The following DCAF8L2 variants were observed in gnomAD, a reference collection of about 807,000 sequenced individuals.
DCAF8L2 encodes DDB1- and CUL4-associated factor 8-like protein 2.
For synonymous variants in DCAF8L2, 200 were observed against 190.9 expected, an observed-to-expected ratio of 1.05 and a Z score of -0.39; for missense variants, 430 against 490.7, an observed-to-expected ratio of 0.88 and a Z score of 1.17.
At chrX:27,576,933 T>A in the DCAF8L2 span, among the ~76,000 whole-genome samples, 2 of 111,741 alleles carry the variant, frequency 1.8e-5, no homozygotes, top group Non-Finnish European at 3.8e-5. Context: ...ACAAATGACA[T>A]TGTGACATAT....
the DCAF8L2 span, among the ~76,000 whole-genome samples, chrX:27,491,322 T>C: frequency 8.9e-6 from 1 of 112,191 alleles, no homozygotes; most frequent in African/African-American, 3.2e-5. Context: ...TCTTTCTGCA[T>C]GTGGATATTC....
chrX:27,613,295 G>C (rs1287189684), intron 1 of DCAF8L2, among the ~76,000 whole-genome samples: 1 of 111,733 alleles, frequency 8.9e-6, no homozygotes, highest in Non-Finnish European at 1.9e-5. Flanking sequence ...TTTGCACATT[G>C]ATTTTGTATC....
chrX:27,524,475 A>T, the DCAF8L2 span, among the ~76,000 whole-genome samples: 3 of 110,999 alleles, frequency 2.7e-5, no homozygotes, highest in Non-Finnish European at 5.7e-5. Flanking sequence ...CTTTTCAAAA[A>T]ACCAGCTCCT....
rs756518951 is a variant in DCAF8L2 at position 27,644,876 on chromosome X, T to C, written c.-220+12876T>C. On this transcript the variant is annotated intron_variant, in intron 2 of 4. Transcript: ENST00000451261. ...TTCAAGCGATTCTCCTGCCTCAGCC[T>C]CCCAAGTAGCTGAGATTACATGCAC... is the stretch of plus-strand genomic sequence containing the variant. 8.0e-5 allele frequency among the ~76,000 whole-genome samples: 9 copies of C among 111,875 alleles called. No individual in the cohort carries two copies. The South Asian group carries it at 2.6e-3, about 33-fold the overall frequency.
chrX:27,663,867 T>C (rs1339721527), intron 2 of DCAF8L2, among the ~76,000 whole-genome samples: 2 of 94,817 alleles, frequency 2.1e-5, no homozygotes, highest in African/African-American at 7.9e-5. Context: ...CTGGCTAATT[T>C]TTTTTTTTTT....
the DCAF8L2 span, among the ~76,000 whole-genome samples, chrX:27,567,935 T>C: frequency 9.0e-6 from 1 of 111,157 alleles, no homozygotes; most frequent in Non-Finnish European, 1.9e-5. Context: ...ATTCTATGCA[T>C]GTAACAAATA....
the DCAF8L2 span, among the ~76,000 whole-genome samples, chrX:27,481,486 T>A: frequency 8.9e-6 from 1 of 111,877 alleles, no homozygotes; most frequent in Non-Finnish European, 1.9e-5. Context: ...TGTGTATTTT[T>A]AAATATGTAT....
At chrX:27,519,892 A>G in the DCAF8L2 span, 2 of 264,756 alleles carry the variant, frequency 7.6e-6, no homozygotes, top group Non-Finnish European at 1.3e-5. Context: ...TTTTAATTAT[A>G]TACTTTTTTT....
the DCAF8L2 span, among the ~76,000 whole-genome samples, chrX:27,547,883 C>CTT: frequency 1.7e-4 from 6 of 36,171 alleles, no homozygotes; most frequent in African/African-American, 1.0e-4. Flanking sequence ...CTCTCTCTCT[C>CTT]TCTCTCTTTC....
chrX:27,696,390 A>G (rs1024483854), intron 3 of DCAF8L2, among the ~76,000 whole-genome samples: 1 of 111,188 alleles, frequency 9.0e-6, no homozygotes, highest in African/African-American at 3.3e-5. Flanking sequence ...TGCTAGAAAG[A>G]ATACAGCCAA....
intron 3 of DCAF8L2, among the ~76,000 whole-genome samples, chrX:27,704,173 T>TATATATATACACACAC (rs757835089): frequency 2.3e-5 from 1 of 44,286 alleles, no homozygotes; most frequent in Non-Finnish European, 4.1e-5. Flanking sequence ...TATATATATA[T>TATATATATACACACAC]ACATATACAC....
chrX:27,667,984 A>G lies in DCAF8L2; in HGVS notation c.-219-9852A>G, dbSNP rs565600155. 2.5e-4 allele frequency among the ~76,000 whole-genome samples: 28 copies of G among 112,205 alleles called. No individual in the cohort carries two copies. In the South Asian group the frequency reaches 9.3e-3, roughly 37 times the overall value. ...AGAATAGATTTGCAAGGCATATGTTATCAGTCTAGAGTGCTCCTTCTTAAT... is the reference window on the plus strand; with the variant it reads ...AGAATAGATTTGCAAGGCATATGTTGTCAGTCTAGAGTGCTCCTTCTTAAT... On this transcript the variant is annotated intron_variant, in intron 2 of 4. Coordinates refer to ENST00000451261, the MANE Select transcript of DCAF8L2 (RefSeq NM_001353450.2).
At chrX:27,485,924 C>CTTTTTTTTTTTT in the DCAF8L2 span, among the ~76,000 whole-genome samples, 1 of 58,839 alleles carries the variant, frequency 1.7e-5, no homozygotes, top group Non-Finnish European at 3.0e-5. Flanking sequence ...TTCTTTTTCT[C>CTTTTTTTTTTTT]TTTTTTTTTT....
the DCAF8L2 span, among the ~76,000 whole-genome samples, chrX:27,551,815 G>A: frequency 8.9e-6 from 1 of 111,815 alleles, no homozygotes; most frequent in African/African-American, 3.2e-5. Context: ...GTATCTCTTT[G>A]ACATACTGAT....
chrX:27,550,301 G>C, the DCAF8L2 span, among the ~76,000 whole-genome samples: 4 of 111,839 alleles, frequency 3.6e-5, no homozygotes, highest in African/African-American at 1.3e-4. Flanking sequence ...GTTATGGGGT[G>C]TATGTGATGT....
intron 1 of DCAF8L2, among the ~76,000 whole-genome samples, chrX:27,627,017 G>T (rs1253759938): frequency 1.1e-5 from 1 of 89,353 alleles, no homozygotes; most frequent in Non-Finnish European, 2.2e-5. Flanking sequence ...TGAAACAAAA[G>T]AATTGATTTC....
intron 2 of DCAF8L2, among the ~76,000 whole-genome samples, chrX:27,666,595 T>C (rs1929749425): frequency 8.9e-6 from 1 of 112,256 alleles, no homozygotes; most frequent in African/African-American, 3.2e-5. Context: ...ACACAGCATA[T>C]TTGTTTTTCA....
At chrX:27,549,898 C>A in the DCAF8L2 span, among the ~76,000 whole-genome samples, 1 of 111,551 alleles carries the variant, frequency 9.0e-6, no homozygotes, top group Non-Finnish European at 1.9e-5. Flanking sequence ...ATGGGGCAGC[C>A]CACATCCATT....
chrX:27,604,042 A>G (rs1926768155), intron 1 of DCAF8L2, among the ~76,000 whole-genome samples: 1 of 111,275 alleles, frequency 9.0e-6, no homozygotes, highest in African/African-American at 3.3e-5. Context: ...ACACTCTCTG[A>G]TATCTCATAT....
Sources: gnomAD v4.1 joint callset for allele counts (sites outside exome capture counted in the v4.1 genomes callset) on GRCh38, gnomAD v4.1.1 for gene constraint, MANE v1.5 for transcripts, NCBI Gene and HGNC (gene_info 2026-07-23, HGNC 2026-07-21) for gene names.